CLSTN2: variants seen among roughly 807,000 people sequenced by gnomAD.
The protein encoded by CLSTN2 is calsyntenin-2.
A neutral mutation model predicts 101.2 loss-of-function variants in CLSTN2; 48 were observed. The observed-to-expected ratio is 0.47, with a 90% CI of 0.38 to 0.60. CLSTN2 has a LOEUF of 0.60. CLSTN2 is among the 20% of genes least tolerant of loss of function. The pLI, the probability that CLSTN2 is intolerant of heterozygous loss-of-function variation, is 0.00. For missense variants in CLSTN2, 1,160 were observed against 1,238.2 expected, an observed-to-expected ratio of 0.94 and a Z score of 0.95; for synonymous variants, 481 against 463.6, an observed-to-expected ratio of 1.04 and a Z score of -0.48.
At position 140,483,154 on chromosome 3, in the gene CLSTN2, G is replaced by A. The variant is rs375756622; in HGVS notation, c.1344+16423G>A. Among the ~76,000 whole-genome samples, 447 of 152,166 alleles carry A rather than the reference G, an allele frequency of 2.9e-3. 4 individuals are homozygous for A. The highest frequency in any genetic ancestry group is 8.4e-3 in the African/African-American group (347 of 41,544). On this transcript the variant is annotated intron_variant, in intron 8 of 16. Coordinates refer to ENST00000458420, the MANE Select transcript of CLSTN2 (RefSeq NM_022131.3). ...TCTGGTATGTTGTGTCTTTGTTCTC[G>A]TTGGTTTCAAAGAACATCTTTATTT...
chr3:140,439,701 C>T (rs1383413749), intron 5 of CLSTN2, among the ~76,000 whole-genome samples: 1 of 152,168 alleles, frequency 6.6e-6, no homozygotes, highest in Non-Finnish European at 1.5e-5. Context: ...CACACATACA[C>T]AGCACACACA....
chr3:140,352,827 G>C (rs1227486243), intron 2 of CLSTN2, among the ~76,000 whole-genome samples: 1 of 152,054 alleles, frequency 6.6e-6, no homozygotes, highest in African/African-American at 2.4e-5. Flanking sequence ...GCCATCTCCA[G>C]TCAGGCTACA....
intron 2 of CLSTN2, among the ~76,000 whole-genome samples, chr3:140,282,244 T>C (rs1267798853): frequency 6.6e-6 from 1 of 152,130 alleles, no homozygotes. Context: ...CACTCTCAAC[T>C]TCTCAGGGAG....
intron 2 of CLSTN2, among the ~76,000 whole-genome samples, chr3:140,316,442 C>A (rs573715322): frequency 2.2e-4 from 33 of 152,186 alleles, no homozygotes; most frequent in Non-Finnish European, 4.6e-4. Context: ...AAGTAGGCAC[C>A]TGCTAAACAG....
chr3:140,444,988 G>T (rs1178115538), intron 5 of CLSTN2, among the ~76,000 whole-genome samples: 2 of 152,200 alleles, frequency 1.3e-5, no homozygotes, highest in Admixed American at 6.5e-5. Flanking sequence ...AGATGTTTGT[G>T]TGAGCGTCTC....
intron 8 of CLSTN2, among the ~76,000 whole-genome samples, chr3:140,487,448 T>C (rs569928782): frequency 6.6e-6 from 1 of 152,294 alleles, no homozygotes; most frequent in African/African-American, 2.4e-5. Context: ...GGTAAAACCA[T>C]AGTTTGACCT....
Position 139,990,320 on chromosome 3 carries a change from G to A in CLSTN2, c.109+54837G>A, listed in dbSNP as rs562458580. ...CATGATATGCTGGATGGTGGCGTAG[G>A]TGGGAGCACTCTGTGGAATATTAGG... is the stretch of plus-strand genomic sequence containing the variant. On this transcript the variant is annotated intron_variant, in intron 1 of 16. Transcript: ENST00000458420. Among the ~76,000 whole-genome samples, 6 of 152,282 alleles carry A rather than the reference G, an allele frequency of 3.9e-5. No individual in the cohort carries two copies. The South Asian group carries it at 1.2e-3, about 32-fold the overall frequency.
intron 1 of CLSTN2, among the ~76,000 whole-genome samples, chr3:139,954,650 G>A (rs1243588842): frequency 6.6e-6 from 1 of 152,142 alleles, no homozygotes; most frequent in African/African-American, 2.4e-5. Flanking sequence ...GATTTCTCGA[G>A]TGTCTATTTT....
chr3:140,176,489 A>G (rs2010327037), intron 2 of CLSTN2, among the ~76,000 whole-genome samples: 1 of 152,210 alleles, frequency 6.6e-6, no homozygotes, highest in Non-Finnish European at 1.5e-5. Context: ...AGAGAGAAAA[A>G]AAGACCAGGA....
At chr3:140,217,142 A>T (rs2010931252) in intron 2 of CLSTN2, among the ~76,000 whole-genome samples, 1 of 152,122 alleles carries the variant, frequency 6.6e-6, no homozygotes, top group African/African-American at 2.4e-5. Flanking sequence ...CACACGCCCA[A>T]ATCTTCTGAC....
intron 8 of CLSTN2, 112 bp downstream of exon 8, chr3:140,466,843 ATTTTGG>A: frequency 7.0e-7 from 1 of 1,435,242 alleles, no homozygotes. Flanking sequence ...CACTTGCTGA[ATTTTGG>A]AAAAATCAGC....
intron 2 of CLSTN2, among the ~76,000 whole-genome samples, chr3:140,350,054 G>A (rs924101525): frequency 1.3e-5 from 2 of 152,232 alleles, no homozygotes; most frequent in Non-Finnish European, 2.9e-5. Flanking sequence ...GACAAAGGCT[G>A]AGGGTTAATG....
At chr3:140,332,686 TTTTTC>T (rs959288879) in intron 2 of CLSTN2, among the ~76,000 whole-genome samples, 3 of 142,284 alleles carry the variant, frequency 2.1e-5, no homozygotes, top group Non-Finnish European at 3.1e-5. Context: ...GTATGCTTGT[TTTTTC>T]TTTTCTTTTC....
intron 1 of CLSTN2, among the ~76,000 whole-genome samples, chr3:140,081,374 C>T (rs969770980): frequency 1.3e-5 from 2 of 152,176 alleles, no homozygotes; most frequent in African/African-American, 4.8e-5. Flanking sequence ...GATGTTTCTC[C>T]TCTTTTGCAT....
chr3:140,173,093 A>G (rs1231052607), intron 1 of CLSTN2, among the ~76,000 whole-genome samples: 1 of 152,228 alleles, frequency 6.6e-6, no homozygotes, highest in Non-Finnish European at 1.5e-5. Flanking sequence ...GTCATCTGAG[A>G]CAAGGCAAGT....
chr3:140,247,688 C>T (rs1451092366), intron 2 of CLSTN2, among the ~76,000 whole-genome samples: 1 of 152,138 alleles, frequency 6.6e-6, no homozygotes, highest in Non-Finnish European at 1.5e-5. Context: ...AGGCGGCCAT[C>T]TAACAGAGTG....
At chr3:140,107,045 G>T (rs1251846743) in intron 1 of CLSTN2, among the ~76,000 whole-genome samples, 1 of 152,122 alleles carries the variant, frequency 6.6e-6, no homozygotes, top group Non-Finnish European at 1.5e-5. Flanking sequence ...AAGATTTTAA[G>T]AGGACTAACA....
intron 8 of CLSTN2, among the ~76,000 whole-genome samples, chr3:140,523,099 A>G (rs349570): frequency 0.25 from 38,578 of 151,754 alleles, 6,695 homozygotes; most frequent in African/African-American, 0.48. Context: ...TTTCTACGGC[A>G]TGTGAACTGT....
At position 140,497,489 on chromosome 3, in the gene CLSTN2, T is replaced by C. The variant is rs150215260; in HGVS notation, c.1344+30758T>C. ...CCCGAAGCCAGCAGGCTAGAATGGC[T>C]GAGTCAACCTCACCGCAGAAATGGC... On this transcript the variant is annotated intron_variant, in intron 8 of 16. Transcript: ENST00000458420. 1.1e-3 allele frequency among the ~76,000 whole-genome samples: 171 copies of C among 152,288 alleles called. 1 individual carries two copies. Among genetic ancestry groups the C allele is most frequent in the African/African-American group, 4.0e-3 (165 of 41,576 alleles).
Sources: allele counts gnomAD v4.1 joint callset (sites outside exome capture counted in the v4.1 genomes callset), GRCh38; gene constraint gnomAD v4.1.1; transcripts MANE v1.5; gene names NCBI Gene and HGNC (gene_info 2026-07-23, HGNC 2026-07-21).